The following TSPEAR variants were observed in gnomAD, a reference collection of about 807,000 sequenced individuals.
TSPEAR encodes the protein thrombospondin type laminin G domain and EAR repeats, also known as thrombospondin-type laminin G domain and EAR repeat-containing protein.
TSPEAR carries 69 observed loss-of-function variants against 71.6 expected under a neutral mutation model. The observed-to-expected ratio is 0.96, with a 90% confidence interval of 0.79 to 1.18. TSPEAR has a LOEUF of 1.18. Among genes scored for constraint, TSPEAR ranks in the 50% most tolerant of loss-of-function variants. The pLI, the probability that TSPEAR is intolerant of heterozygous loss-of-function variation, is 0.00. For synonymous variants in TSPEAR, 402 were observed against 387.2 expected (o/e 1.04, Z -0.45); for missense variants, 971 against 894.9 (o/e 1.09, Z -1.09).
At chr21:44,692,957 C>A (rs1360792236) in intron 1 of TSPEAR, among the ~76,000 whole-genome samples, 1 of 152,020 alleles carries the variant, frequency 6.6e-6, no homozygotes, top group South Asian at 2.1e-4. Flanking sequence ...GATTTCAAAA[C>A]GTACTACAAA....
Position 44,567,963 on chromosome 21 carries a change from T to C in TSPEAR, c.125A>G (p.Asp42Gly), listed in dbSNP as rs1555921971. 2 of 1,566,674 alleles carry C rather than the reference T, an allele frequency of 1.3e-6. No homozygotes were observed. Among genetic ancestry groups the C allele is most frequent in the Non-Finnish European group, 1.7e-6 (2 of 1,151,132 alleles). The part of the protein sequence containing the change: ...LDILAEVVPS[D>G]GATSGIRIVQ... ...TATCCTGATCCCGCTTGTGGCGCCA[T>C]CAGAAGGGACCACTTCCGCCAGGAT... The change falls in exon 2 of 12, where the codon GAT becomes GGT. Residue 42 changes from aspartate (D) to glycine (G), a missense_variant. By Grantham distance (94) the Asp-to-Gly change is moderately conservative. Transcript: ENST00000323084.
At chr21:44,542,081 T>G (rs1555917288) in intron 2 of TSPEAR, among the ~76,000 whole-genome samples, 1 of 152,052 alleles carries the variant, frequency 6.6e-6, no homozygotes, top group African/African-American at 2.4e-5. Context: ...CTCAAGAAAA[T>G]AGAGAACAAA....
intron 1 of TSPEAR, among the ~76,000 whole-genome samples, chr21:44,675,164 C>T (rs137945913): frequency 6.6e-6 from 1 of 152,226 alleles, no homozygotes; most frequent in African/African-American, 2.4e-5. Flanking sequence ...AACATAGATG[C>T]AAAACTCCTC....
In TSPEAR at chr21:44,525,708, C is replaced by G. The variant is rs782552484; in HGVS notation, c.1281G>C (p.Trp427Cys). Residue 427 changes from tryptophan to cysteine, a missense_variant, in exon 8 of 12, where the codon TGG (tryptophan) becomes TGC (cysteine). Physicochemically the swap from Trp to Cys is radical, Grantham distance 215. Transcript: ENST00000323084. ...QSIATHSARD[W>C]EAFEVDGEHF... ...GCTCCCCATCCACCTCGAAGGCCTCCCAGTCTCGGGCGCTGTGTGTGGCAA... is the reference window on the plus strand; with the variant it reads ...GCTCCCCATCCACCTCGAAGGCCTCGCAGTCTCGGGCGCTGTGTGTGGCAA... 1 of 1,614,208 alleles carries G rather than the reference C, an allele frequency of 6.2e-7. No homozygotes were observed. The highest frequency in any genetic ancestry group is 1.1e-5 in the South Asian group (1 of 91,074).
At chr21:44,578,081 G>A (rs1978581731) in intron 1 of TSPEAR, among the ~76,000 whole-genome samples, 1 of 152,198 alleles carries the variant, frequency 6.6e-6, no homozygotes, top group Non-Finnish European at 1.5e-5. Context: ...ATGATTGTGA[G>A]GCCTCCTCAG....
intron 1 of TSPEAR, among the ~76,000 whole-genome samples, chr21:44,682,651 C>T (rs782259934): frequency 2.6e-5 from 4 of 152,194 alleles, no homozygotes; most frequent in Non-Finnish European, 5.9e-5. Context: ...TTCAGGCAGC[C>T]GTCAACCAGC....
intron 1 of TSPEAR, among the ~76,000 whole-genome samples, chr21:44,613,615 A>G (rs782795448): frequency 2.7e-4 from 41 of 152,030 alleles, no homozygotes; most frequent in Non-Finnish European, 1.6e-4. Context: ...CTTAGCAGCA[A>G]TGCGAGGGGA....
At chr21:44,543,446 C>T (rs587761642) in intron 2 of TSPEAR, among the ~76,000 whole-genome samples, 15 of 152,246 alleles carry the variant, frequency 9.9e-5, no homozygotes, top group Admixed American at 1.3e-4. Flanking sequence ...AAGGAATATA[C>T]GACTCACTAG....
chr21:44,710,661 C>T lies in TSPEAR; in HGVS notation c.82+772G>A, dbSNP rs1351712188. 6.6e-6 allele frequency among the ~76,000 whole-genome samples: 1 copy of T among 152,232 alleles called. No individual in the cohort carries two copies. The highest frequency in any genetic ancestry group is 6.5e-5 in the Admixed American group (1 of 15,294). On this transcript the variant is annotated intron_variant, in intron 1 of 11. Transcript: ENST00000323084. This position sits in a 1 kb window ranked among gnomAD's most constrained non-coding sequence, Gnocchi z 4.6. ...CTGCGGAGCCTGAGTGCTGGAGTCACTAATTTACTGTCCAGTAACTGAGTT... is the reference window on the plus strand; with the variant it reads ...CTGCGGAGCCTGAGTGCTGGAGTCATTAATTTACTGTCCAGTAACTGAGTT...
intron 1 of TSPEAR, among the ~76,000 whole-genome samples, chr21:44,605,138 AAATT>A (rs1191343080): frequency 6.6e-6 from 1 of 152,260 alleles, no homozygotes; most frequent in African/African-American, 2.4e-5. Context: ...CAACATACAA[AAATT>A]AATAGCATTT....
intron 9 of TSPEAR, chr21:44,519,075 C>T (rs782543820): frequency 6.0e-6 from 1 of 167,876 alleles, no homozygotes; most frequent in East Asian, 1.8e-4. Context: ...GTCGCCCAGG[C>T]TGGAGTGCAG....
chr21:44,620,486 A>C (rs1332846450), intron 1 of TSPEAR, among the ~76,000 whole-genome samples: 1 of 152,150 alleles, frequency 6.6e-6, no homozygotes, highest in African/African-American at 2.4e-5. Flanking sequence ...TTCCTTTATA[A>C]TTATTTTTAT....
chr21:44,654,119 C>G (rs2146255264), intron 1 of TSPEAR: 2 of 641,966 alleles, frequency 3.1e-6, no homozygotes, highest in Non-Finnish European at 2.8e-6. Context: ...CATGGCCTCA[C>G]CGGCTGGGAT....
At chr21:44,533,182 A>C (rs1555915919) in intron 3 of TSPEAR, among the ~76,000 whole-genome samples, 1 of 152,158 alleles carries the variant, frequency 6.6e-6, no homozygotes, top group Non-Finnish European at 1.5e-5. Flanking sequence ...TTTTGACAGG[A>C]GTGTGCTTCA....
chr21:44,655,688 G>A (rs1326131421), intron 1 of TSPEAR, among the ~76,000 whole-genome samples: 2 of 152,164 alleles, frequency 1.3e-5, no homozygotes, highest in African/African-American at 2.4e-5. Flanking sequence ...GGGAAGCAGC[G>A]GGCAGGAGTG....
chr21:44,652,337 T>C (rs1316829207), intron 1 of TSPEAR, among the ~76,000 whole-genome samples: 1 of 152,164 alleles, frequency 6.6e-6, no homozygotes, highest in Non-Finnish European at 1.5e-5. Flanking sequence ...GTGACCCAGA[T>C]AGGACTCAGA....
intron 1 of TSPEAR, among the ~76,000 whole-genome samples, chr21:44,584,457 C>A (rs781860260): frequency 6.6e-6 from 1 of 152,208 alleles, no homozygotes; most frequent in African/African-American, 2.4e-5. Context: ...CAAGATTGCT[C>A]ATCACATGGT....
chr21:44,557,130 C>T (rs587638607), intron 2 of TSPEAR, among the ~76,000 whole-genome samples: 45 of 152,258 alleles, frequency 3.0e-4, no homozygotes, highest in East Asian at 9.7e-4. Context: ...TGTGACGCCA[C>T]GCATCTCATT....
chr21:44,538,582 C>T (rs1431324937), intron 2 of TSPEAR, among the ~76,000 whole-genome samples: 3 of 151,898 alleles, frequency 2.0e-5, no homozygotes, highest in Admixed American at 6.6e-5. Context: ...GCTGCTAAAA[C>T]GGGCAGAACC....
Sources: gnomAD v4.1 joint callset for allele counts (sites outside exome capture counted in the v4.1 genomes callset) on GRCh38, gnomAD v4.1.1 for gene constraint, Gnocchi (gnomAD v3.1) non-coding constraint, MANE v1.5 for transcripts, NCBI Gene and HGNC (gene_info 2026-07-23, HGNC 2026-07-21) for gene names.